Variants in MAN2A1 observed in about 807,000 individuals in gnomAD.
The protein encoded by MAN2A1 is mannosidase alpha class 2A member 1, also known as alpha-mannosidase 2.
Under a neutral mutation model 142.6 loss-of-function variants are expected in MAN2A1, and 76 were observed. The ratio of observed to expected loss-of-function variants is 0.53; its 90% confidence interval spans 0.44 to 0.65. MAN2A1 has a LOEUF of 0.65. Ranked by LOEUF, MAN2A1 falls within the 30% of genes least tolerant of loss-of-function variation. The pLI, the probability that MAN2A1 is intolerant of heterozygous loss-of-function variation, is 0.00. For missense variants in MAN2A1, 1,311 were observed against 1,365.1 expected, an observed-to-expected ratio of 0.96 and a Z score of 0.62; for synonymous variants, 559 against 473.2, an observed-to-expected ratio of 1.18 and a Z score of -2.35.
intron 2 of MAN2A1, 32 bp downstream of exon 2, chr5:109,713,806 C>CTTTT: frequency 2.2e-6 from 3 of 1,381,862 alleles, no homozygotes; most frequent in Non-Finnish European, 2.0e-6. Context: ...AATCACTGGC[C>CTTTT]TTTTTTTTTT....
intron 21 of MAN2A1, chr5:109,865,355 G>A (rs562600579): frequency 1.9e-6 from 1 of 539,476 alleles, no homozygotes; most frequent in Admixed American, 3.2e-5. Flanking sequence ...GGCATAGCTG[G>A]AATTTATGCA....
intron 12 of MAN2A1, among the ~76,000 whole-genome samples, chr5:109,809,001 C>T (rs1267850510): frequency 1.3e-5 from 2 of 152,032 alleles, no homozygotes; most frequent in Non-Finnish European, 2.9e-5. Context: ...CCACATCTGG[C>T]CTCCTTACAC....
intron 16 of MAN2A1, among the ~76,000 whole-genome samples, chr5:109,826,725 T>A (rs1450300410): frequency 6.6e-6 from 1 of 152,228 alleles, no homozygotes; most frequent in Admixed American, 6.5e-5. Flanking sequence ...ATACGAAGTC[T>A]TCAGGGTATT....
chr5:109,839,121 T>A (rs1755131530), intron 16 of MAN2A1, among the ~76,000 whole-genome samples: 1 of 152,150 alleles, frequency 6.6e-6, no homozygotes, highest in Admixed American at 6.5e-5. Flanking sequence ...AATTAGAGTT[T>A]ACTTCTTGTC....
chr5:109,865,424 C>T, intron 21 of MAN2A1: 1 of 380,584 alleles, frequency 2.6e-6, no homozygotes, highest in Non-Finnish European at 4.9e-6. Flanking sequence ...CTACAAAGTG[C>T]CTTGCTCCCA....
intron 9 of MAN2A1, among the ~76,000 whole-genome samples, chr5:109,784,269 C>G (rs898213363): frequency 6.6e-6 from 1 of 152,158 alleles, no homozygotes; most frequent in East Asian, 1.9e-4. Context: ...TTTTCTGCCT[C>G]TCCTCTCCTC....
In MAN2A1 at chr5:109,819,660, C is replaced by T; in HGVS notation, c.2110-9C>T. On this transcript the variant is annotated splice_polypyrimidine_tract_variant and intron_variant, in intron 13 of 21. Transcript: ENST00000261483. ...ATCTTTAATAAATTCCCTTCCCTAT[C>T]TTTTAAAGATCTCTTTTCGAGCACA... 1 of 1,513,354 alleles carries T rather than the reference C, an allele frequency of 6.6e-7. No individual in the cohort carries two copies. The highest frequency in any genetic ancestry group is 1.3e-5 in the South Asian group (1 of 79,046). 93.7% of individuals were successfully genotyped at this position (1,513,354 alleles called of 1,614,324 possible). A position where few individuals can be genotyped will look rare whatever the true frequency, so the allele number is the denominator to read the frequency against.
chr5:109,714,192 C>G (rs200578580), intron 2 of MAN2A1, among the ~76,000 whole-genome samples: 1 of 88,490 alleles, frequency 1.1e-5, no homozygotes, highest in Non-Finnish European at 2.4e-5. Flanking sequence ...TTTTTTTTTT[C>G]TTAATATCCT....
At chr5:109,842,811 T>TTTTTTTTTTTTTTTTG in intron 17 of MAN2A1, among the ~76,000 whole-genome samples, 1 of 144,598 alleles carries the variant, frequency 6.9e-6, no homozygotes, top group Non-Finnish European at 1.5e-5. Context: ...ATTGGGTTTT[T>TTTTTTTTTTTTTTTTG]TTTTTTTTTT....
chr5:109,712,047 T>TGCCCCCAACCACTGCC (rs1751316316), intron 1 of MAN2A1, among the ~76,000 whole-genome samples: 1 of 152,112 alleles, frequency 6.6e-6, no homozygotes, highest in Non-Finnish European at 1.5e-5. Flanking sequence ...AGTGTTGTAT[T>TGCCCCCAACCACTGCC]GCCCCCAACC....
At chr5:109,823,639 C>G (rs1754684564) in intron 15 of MAN2A1, 84 bp from the exon 16 acceptor site, 1 of 721,970 alleles carries the variant, frequency 1.4e-6, no homozygotes. Context: ...TACGTATTTT[C>G]TATTTTTGAA....
chr5:109,707,775 A>G (rs1340619500), intron 1 of MAN2A1, among the ~76,000 whole-genome samples: 4 of 152,090 alleles, frequency 2.6e-5, no homozygotes, highest in African/African-American at 9.7e-5. Flanking sequence ...AGAGAAAGAG[A>G]TATTCAGTCC....
intron 1 of MAN2A1, among the ~76,000 whole-genome samples, chr5:109,707,420 T>A (rs1751164923): frequency 6.6e-6 from 1 of 152,164 alleles, no homozygotes; most frequent in Admixed American, 6.5e-5. Flanking sequence ...ATACCTAAGG[T>A]CCTGCTGTGT....
intron 8 of MAN2A1, among the ~76,000 whole-genome samples, chr5:109,777,088 T>C (rs923057215): frequency 2.0e-5 from 3 of 152,176 alleles, no homozygotes; most frequent in Non-Finnish European, 4.4e-5. Flanking sequence ...TTACTTGTTA[T>C]GAGTTTACAT....
intron 3 of MAN2A1, among the ~76,000 whole-genome samples, chr5:109,722,263 T>C (rs1173307360): frequency 6.6e-6 from 1 of 152,174 alleles, no homozygotes; most frequent in Non-Finnish European, 1.5e-5. Flanking sequence ...CTATCTCCTA[T>C]CCTTCTTTTC....
chr5:109,690,402 G>A lies in MAN2A1; in HGVS notation c.-16G>A, dbSNP rs1015337630. 2.5e-6 allele frequency: 4 copies of A among 1,613,970 alleles called. No homozygotes were observed. The highest frequency in any genetic ancestry group is 2.7e-5 in the African/African-American group (2 of 75,046). ...TGGCTGAGGAGAGTGTCCTGGCCCCGAGTCTATCGAGGAAAATGAAGTTAA... is the reference window on the plus strand; with the variant it reads ...TGGCTGAGGAGAGTGTCCTGGCCCCAAGTCTATCGAGGAAAATGAAGTTAA... On this transcript the variant is annotated 5_prime_UTR_variant, in exon 1 of 22. Transcript: ENST00000261483.
At chr5:109,862,055 C>T (rs980362174) in intron 20 of MAN2A1, among the ~76,000 whole-genome samples, 1 of 152,160 alleles carries the variant, frequency 6.6e-6, no homozygotes, top group Non-Finnish European at 1.5e-5. Flanking sequence ...GCATTCTGTA[C>T]AGGATATGGC....
chr5:109,748,710 G>C (rs1752469531), intron 4 of MAN2A1, among the ~76,000 whole-genome samples: 1 of 151,962 alleles, frequency 6.6e-6, no homozygotes, highest in South Asian at 2.1e-4. Flanking sequence ...AAACATTCCA[G>C]GCAGATAGAC....
chr5:109,704,504 A>G (rs1486205198), intron 1 of MAN2A1, among the ~76,000 whole-genome samples: 3 of 152,118 alleles, frequency 2.0e-5, no homozygotes, highest in Admixed American at 2.0e-4. Flanking sequence ...TGGCTCATTG[A>G]CAGACAGGTG....
Sources: gnomAD v4.1 joint callset for allele counts (sites outside exome capture counted in the v4.1 genomes callset) on GRCh38, gnomAD v4.1.1 for gene constraint, MANE v1.5 for transcripts, NCBI Gene and HGNC (gene_info 2026-07-23, HGNC 2026-07-21) for gene names.